Variants in KDM4B observed in about 807,000 individuals in gnomAD.
KDM4B encodes the protein lysine-specific demethylase 4B.
Under a neutral mutation model 125.2 loss-of-function variants are expected in KDM4B, and 32 were observed. That is an observed-to-expected ratio of 0.26 (90% CI 0.19 to 0.34). The LOEUF is 0.34. KDM4B is among the 10% of genes least tolerant of loss of function. KDM4B has a pLI of 1.00. For missense variants in KDM4B, 1,190 were observed against 1,577.7 expected (o/e 0.75, Z 4.16); for synonymous variants, 721 against 677.9 (o/e 1.06, Z -0.99).
intron 5 of KDM4B, among the ~76,000 whole-genome samples, chr19:5,043,395 TG>T (rs1299430050): frequency 1.3e-4 from 19 of 141,298 alleles, no homozygotes; most frequent in Admixed American, 3.6e-4. Flanking sequence ...TTTATCGGAG[TG>T]GGGGGGTCCA....
chr19:5,015,476 C>G (rs534954929), intron 1 of KDM4B, among the ~76,000 whole-genome samples: 2 of 152,178 alleles, frequency 1.3e-5, no homozygotes, highest in Admixed American at 1.3e-4. Flanking sequence ...GGTCTTGAAC[C>G]CCTGACCTCA....
At chr19:5,096,832 C>T (rs947192259) in intron 9 of KDM4B, among the ~76,000 whole-genome samples, 2 of 152,008 alleles carry the variant, frequency 1.3e-5, no homozygotes, top group African/African-American at 4.8e-5. Flanking sequence ...GTCGGTGGTG[C>T]GTGTTGCCGT....
chr19:4,982,452 CAAAAA>C (rs773410154), intron 1 of KDM4B, among the ~76,000 whole-genome samples: 2 of 53,614 alleles, frequency 3.7e-5, no homozygotes, highest in Non-Finnish European at 8.5e-5. Context: ...GACTCCGTCT[CAAAAA>C]AAAAAAAAAA....
At chr19:5,053,061 C>G (rs183374796) in intron 6 of KDM4B, among the ~76,000 whole-genome samples, 1 of 152,354 alleles carries the variant, frequency 6.6e-6, no homozygotes, top group Non-Finnish European at 1.5e-5. Flanking sequence ...GTGGCGTAGC[C>G]TGAGCTGAGC....
chr19:5,053,177 C>T (rs955704777), intron 6 of KDM4B, among the ~76,000 whole-genome samples: 9 of 152,224 alleles, frequency 5.9e-5, no homozygotes, highest in Admixed American at 3.3e-4. Context: ...GATGCAGGAG[C>T]GAGATAGTTG....
chr19:5,001,208 T>C (rs932807229), intron 1 of KDM4B, among the ~76,000 whole-genome samples: 5 of 152,140 alleles, frequency 3.3e-5, no homozygotes, highest in Non-Finnish European at 7.4e-5. Flanking sequence ...AATTTTTTTA[T>C]GTTTTTATAG....
rs2039544278 is a variant in KDM4B at position 5,131,469 on chromosome 19, T to G, written c.1709T>G (p.Leu570Arg). 6.3e-7 allele frequency: 1 copy of G among 1,590,128 alleles called. No homozygotes were observed. The highest frequency in any genetic ancestry group is 1.8e-5 in the Admixed American group (1 of 56,906). Residue 570 changes from leucine to arginine, a missense_variant, in exon 12 of 23, where the codon CTG becomes CGG. Coordinates refer to ENST00000159111, the MANE Select transcript of KDM4B (RefSeq NM_015015.3). ...AAGGAACCAGTTTCCCCCATGGAGC[T>G]GACGGGGCCAGAGGACGGTGCAGCC... is the stretch of plus-strand genomic sequence containing the variant. Reference protein sequence around the residue: ...TWKEPVSPMELTGPEDGAASS... With the variant: ...TWKEPVSPMERTGPEDGAASS...
chr19:5,067,279 G>C (rs1005718431), intron 6 of KDM4B, among the ~76,000 whole-genome samples: 1 of 152,196 alleles, frequency 6.6e-6, no homozygotes, highest in African/African-American at 2.4e-5. Context: ...CCCCGTGGCT[G>C]TTCTGCCTTG....
At chr19:5,043,472 TG>T (rs746986466) in intron 5 of KDM4B, among the ~76,000 whole-genome samples, 30 of 119,850 alleles carry the variant, frequency 2.5e-4, no homozygotes, top group South Asian at 6.0e-4. Flanking sequence ...TTTATCGGAG[TG>T]GGGGTGTCCA....
intron 1 of KDM4B, among the ~76,000 whole-genome samples, chr19:5,014,221 G>A (rs1465274856): frequency 2.0e-5 from 3 of 152,232 alleles, no homozygotes; most frequent in Non-Finnish European, 2.9e-5. Flanking sequence ...GGGCTCATGC[G>A]ATCCTCCTGA....
At position 5,146,253 on chromosome 19, in the gene KDM4B, G is replaced by T. The variant is rs1030426512; in HGVS notation, c.3021+1351G>T. ...CATCCAGGACCCCCCCCGCTCCGCC[G>T]TGCAGGCCGGCCCCGCCCAGTCACC... On this transcript the variant is annotated intron_variant, in intron 21 of 22. Coordinates refer to ENST00000159111, the MANE Select transcript of KDM4B (RefSeq NM_015015.3). 1.7e-3 allele frequency among the ~76,000 whole-genome samples: 249 copies of T among 148,118 alleles called. 3 individuals are homozygous for T. The highest frequency in any genetic ancestry group is 3.4e-4 in the Non-Finnish European group (23 of 66,940).
chr19:5,143,826 G>A, intron 18 of KDM4B, 141 bp from the exon 19 acceptor site: 1 of 681,276 alleles, frequency 1.5e-6, no homozygotes, highest in Non-Finnish European at 2.4e-6. Context: ...GGGCTGTGGA[G>A]GGGAACCCTC....
At chr19:5,134,621 C>G (rs960977397) in intron 14 of KDM4B, among the ~76,000 whole-genome samples, 3 of 152,234 alleles carry the variant, frequency 2.0e-5, no homozygotes, top group Admixed American at 6.5e-5. Context: ...CTCTCTTCCC[C>G]TGGGCATGCA....
At chr19:5,072,728 C>A (rs2037986096) in intron 7 of KDM4B, among the ~76,000 whole-genome samples, 1 of 152,226 alleles carries the variant, frequency 6.6e-6, no homozygotes, top group African/African-American at 2.4e-5. Context: ...GAAAACAACA[C>A]ACGTTTATTC....
intron 22 of KDM4B, among the ~76,000 whole-genome samples, chr19:5,150,960 TA>T (rs556861040): frequency 2.6e-5 from 4 of 152,192 alleles, no homozygotes; most frequent in Non-Finnish European, 4.4e-5. Flanking sequence ...GGGCTTCCTT[TA>T]TTCTCTTTCT....
intron 15 of KDM4B, 50 bp downstream of exon 15, chr19:5,135,611 TGGTGGGGGTGCC>T (rs1232923114): frequency 1.4e-6 from 2 of 1,462,366 alleles, no homozygotes; most frequent in Non-Finnish European, 1.8e-6. Context: ...TTCAGGGTGT[TGGTGGGGGTGCC>T]GGTGGGGGCT....
At chr19:5,007,505 T>G (rs2035596899) in intron 1 of KDM4B, among the ~76,000 whole-genome samples, 1 of 151,960 alleles carries the variant, frequency 6.6e-6, no homozygotes, top group Non-Finnish European at 1.5e-5. Flanking sequence ...ATATATGTTC[T>G]CCTGTTTTGT....
At chr19:5,113,789 G>A (rs2039199134) in intron 10 of KDM4B, 1 of 679,672 alleles carries the variant, frequency 1.5e-6, no homozygotes, top group Admixed American at 6.3e-5. Context: ...CCTAGACCAA[G>A]GGATGGCATC....
At chr19:5,120,758 C>T (rs1211074089) in intron 11 of KDM4B, among the ~76,000 whole-genome samples, 1 of 152,156 alleles carries the variant, frequency 6.6e-6, no homozygotes, top group Non-Finnish European at 1.5e-5. Context: ...GGGCTCCCCG[C>T]TGGGAGCCCT....
Sources: gnomAD v4.1 joint callset for allele counts (sites outside exome capture counted in the v4.1 genomes callset) on GRCh38, gnomAD v4.1.1 for gene constraint, MANE v1.5 for transcripts, NCBI Gene and HGNC (gene_info 2026-07-23, HGNC 2026-07-21) for gene names.